PTPRD: variants seen among roughly 807,000 people sequenced by gnomAD.
PTPRD encodes the protein receptor-type tyrosine-protein phosphatase delta.
In PTPRD, 34 loss-of-function variants were observed where a neutral mutation model predicts 214.5. That is an observed-to-expected ratio of 0.16 (90% CI 0.12 to 0.21). The LOEUF (loss-of-function observed/expected upper bound fraction) is 0.21, where lower values mean the gene tolerates loss of function less well. Ranked by LOEUF, PTPRD falls within the 10% of genes least tolerant of loss-of-function variation. The pLI, the probability that PTPRD is intolerant of heterozygous loss-of-function variation, is 1.00. For missense variants in PTPRD, 2,545 were observed against 2,398.7 expected (o/e 1.06, Z -1.27); for synonymous variants, 1,128 against 845.7 (o/e 1.33, Z -5.79).
chr9:9,013,645 T>C (rs2099521220), intron 11 of PTPRD, among the ~76,000 whole-genome samples: 1 of 152,144 alleles, frequency 6.6e-6, no homozygotes, highest in African/African-American at 2.4e-5. Flanking sequence ...TAATTAACTA[T>C]AATGACCAAG....
At chr9:9,308,739 T>C (rs1957927355) in intron 9 of PTPRD, among the ~76,000 whole-genome samples, 2 of 152,198 alleles carry the variant, frequency 1.3e-5, no homozygotes, top group Admixed American at 1.3e-4. Context: ...GTTATTAAAA[T>C]GGATATTTTG....
Position 9,863,285 on chromosome 9 carries a change from T to C in PTPRD, c.-368+75222A>G, listed in dbSNP as rs114010142. Reference sequence around the variant, plus strand: ...TGCAGGGGAGTTGGATTAATAACTATTTGAGATACATTCTAAAAAATTTGA... The same window carrying C: ...TGCAGGGGAGTTGGATTAATAACTACTTGAGATACATTCTAAAAAATTTGA... On this transcript the variant is annotated intron_variant, in intron 5 of 45. Coordinates refer to ENST00000381196, the MANE Select transcript of PTPRD (RefSeq NM_002839.4). 7.0e-3 allele frequency among the ~76,000 whole-genome samples: 1,067 copies of C among 152,238 alleles called. 9 individuals are homozygous for C. The highest frequency in any genetic ancestry group is 0.024 in the African/African-American group (1,007 of 41,576).
intron 5 of PTPRD, among the ~76,000 whole-genome samples, chr9:9,913,818 C>G (rs2079904245): frequency 6.6e-6 from 1 of 152,152 alleles, no homozygotes; most frequent in Admixed American, 6.5e-5. Context: ...TGTGTACTCT[C>G]TCCCTCCACC....
At chr9:9,375,865 G>A (rs141922608) in intron 9 of PTPRD, among the ~76,000 whole-genome samples, 1 of 152,228 alleles carries the variant, frequency 6.6e-6, no homozygotes, top group African/African-American at 2.4e-5. Flanking sequence ...AATGGATAAT[G>A]ATGATGGTTG....
At chr9:10,555,711 T>G (rs949478825) in intron 2 of PTPRD, among the ~76,000 whole-genome samples, 8 of 152,084 alleles carry the variant, frequency 5.3e-5, no homozygotes, top group Admixed American at 5.2e-4. Flanking sequence ...ACTCAGATAA[T>G]TTTAAAAATT....
intron 7 of PTPRD, among the ~76,000 whole-genome samples, chr9:9,733,782 G>A (rs1422634500): frequency 6.6e-6 from 1 of 152,094 alleles, no homozygotes; most frequent in Non-Finnish European, 1.5e-5. Flanking sequence ...TTTCTTCATA[G>A]TATTAAATGA....
At chr9:9,833,449 G>C (rs1384569438) in intron 5 of PTPRD, among the ~76,000 whole-genome samples, 1 of 151,922 alleles carries the variant, frequency 6.6e-6, no homozygotes, top group Non-Finnish European at 1.5e-5. Flanking sequence ...AGTGGAGGCA[G>C]GGCGAGATCA....
intron 3 of PTPRD, among the ~76,000 whole-genome samples, chr9:10,103,759 C>G (rs1323544835): frequency 6.6e-6 from 1 of 151,466 alleles, no homozygotes; most frequent in East Asian, 2.0e-4. Context: ...AGAGTCAGGA[C>G]TGGTCCAGAC....
Position 8,317,193 on chromosome 9 carries a change from G to C in PTPRD, c.*681C>G, listed in dbSNP as rs1822521860. 1 of 231,656 alleles carries C rather than the reference G, an allele frequency of 4.3e-6. No homozygotes were observed. Among genetic ancestry groups the C allele is most frequent in the Non-Finnish European group, 8.5e-6 (1 of 116,996 alleles). The allele number at this position is 231,656 out of a possible 1,614,324, so 14.4% of individuals were successfully genotyped here. On this transcript the variant is annotated 3_prime_UTR_variant, in exon 46 of 46. Coordinates refer to ENST00000381196, the MANE Select transcript of PTPRD (RefSeq NM_002839.4). ...TTTCAAATGATTTGATATTTCTACAGCAAGATATTACAGATAACAGTTCTA... is the reference window on the plus strand; with the variant it reads ...TTTCAAATGATTTGATATTTCTACACCAAGATATTACAGATAACAGTTCTA...
intron 9 of PTPRD, among the ~76,000 whole-genome samples, chr9:9,325,944 A>G (rs573767119): frequency 6.6e-6 from 1 of 152,188 alleles, no homozygotes; most frequent in Non-Finnish European, 1.5e-5. Flanking sequence ...GCTTCTATTG[A>G]GATAATCATG....
At chr9:8,338,404 G>A (rs1204237509) in intron 43 of PTPRD, among the ~76,000 whole-genome samples, 4 of 152,058 alleles carry the variant, frequency 2.6e-5, no homozygotes, top group Non-Finnish European at 5.9e-5. Context: ...TTAGCACACT[G>A]AGGAATAAGC....
chr9:9,603,410 T>C (rs776056494), intron 7 of PTPRD, among the ~76,000 whole-genome samples: 1 of 152,100 alleles, frequency 6.6e-6, no homozygotes, highest in East Asian at 1.9e-4. Flanking sequence ...TAATTAGAAA[T>C]AGCAAATAAA....
intron 11 of PTPRD, among the ~76,000 whole-genome samples, chr9:8,741,825 G>T (rs906343156): frequency 6.6e-6 from 1 of 151,846 alleles, no homozygotes; most frequent in Non-Finnish European, 1.5e-5. Flanking sequence ...TCCTGATGTC[G>T]TGAGTGGCCC....
At chr9:9,104,459 T>A (rs1224876993) in intron 10 of PTPRD, among the ~76,000 whole-genome samples, 1 of 152,174 alleles carries the variant, frequency 6.6e-6, no homozygotes, top group Non-Finnish European at 1.5e-5. Context: ...GGCTAACATA[T>A]ATACTCCATT....
intron 6 of PTPRD, among the ~76,000 whole-genome samples, chr9:9,741,229 T>C (rs2098397364): frequency 6.6e-6 from 1 of 152,186 alleles, no homozygotes; most frequent in South Asian, 2.1e-4. Flanking sequence ...AGGAGAATTT[T>C]ACAAATTAGA....
intron 3 of PTPRD, among the ~76,000 whole-genome samples, chr9:10,080,268 G>A (rs547939721): frequency 3.2e-4 from 49 of 152,164 alleles, no homozygotes; most frequent in African/African-American, 9.9e-4. Context: ...AATCAGACAG[G>A]AGCAGGCAAA....
intron 3 of PTPRD, among the ~76,000 whole-genome samples, chr9:10,088,794 C>A (rs1042041349): frequency 3.3e-5 from 5 of 151,604 alleles, no homozygotes; most frequent in African/African-American, 9.7e-5. Flanking sequence ...AATAGCTAAT[C>A]ACAAAATATA....
chr9:8,833,685 C>G (rs2097346671), intron 11 of PTPRD, among the ~76,000 whole-genome samples: 1 of 120,042 alleles, frequency 8.3e-6, no homozygotes. Flanking sequence ...TGAAAACTCT[C>G]TCCTCTCTCT....
chr9:9,144,174 C>A (rs2099864735), intron 10 of PTPRD, among the ~76,000 whole-genome samples: 1 of 152,184 alleles, frequency 6.6e-6, no homozygotes, highest in Non-Finnish European at 1.5e-5. Flanking sequence ...GAACATCTCA[C>A]TCTGATAGAT....
Sources: gnomAD v4.1 joint callset for allele counts (sites outside exome capture counted in the v4.1 genomes callset) on GRCh38, gnomAD v4.1.1 for gene constraint, MANE v1.5 for transcripts, NCBI Gene and HGNC (gene_info 2026-07-23, HGNC 2026-07-21) for gene names.